INVS: variants seen among roughly 807,000 people sequenced by gnomAD.
INVS encodes the protein inversin.
A neutral mutation model predicts 108.8 loss-of-function variants in INVS; 86 were observed. The observed-to-expected ratio is 0.79, with a 90% CI of 0.66 to 0.95. The LOEUF (loss-of-function observed/expected upper bound fraction) is 0.95, where lower values mean the gene tolerates loss of function less well. Ranked by LOEUF, INVS falls within the 40% of genes least tolerant of loss-of-function variation. INVS has a pLI of 0.00. For synonymous variants in INVS, 455 were observed against 473.5 expected (o/e 0.96, Z 0.51); for missense variants, 1,169 against 1,297.4 (o/e 0.90, Z 1.52).
At chr9:100,149,150 CA>C (rs1215276978) in intron 3 of INVS, among the ~76,000 whole-genome samples, 1 of 152,070 alleles carries the variant, frequency 6.6e-6, no homozygotes, top group East Asian at 1.9e-4. Flanking sequence ...TGGCTGTATC[CA>C]CTCATTAGTC....
chr9:100,241,412 C>T (rs999941462), intron 6 of INVS, among the ~76,000 whole-genome samples: 2 of 151,940 alleles, frequency 1.3e-5, no homozygotes, highest in Admixed American at 6.6e-5. Context: ...CTTTTAACTT[C>T]CTTCCATTAC....
intron 5 of INVS, among the ~76,000 whole-genome samples, chr9:100,239,444 G>C (rs1034872677): frequency 6.6e-6 from 1 of 152,060 alleles, no homozygotes; most frequent in African/African-American, 2.4e-5. Flanking sequence ...ATATACAAAA[G>C]TATAAAAACA....
intron 11 of INVS, among the ~76,000 whole-genome samples, chr9:100,272,061 G>A (rs777257124): frequency 2.6e-5 from 4 of 151,510 alleles, no homozygotes; most frequent in Non-Finnish European, 5.9e-5. Context: ...TAGAAACAGG[G>A]TTTCACCTTG....
chr9:100,110,005 T>C (rs1330236745), intron 2 of INVS, among the ~76,000 whole-genome samples: 2 of 152,250 alleles, frequency 1.3e-5, no homozygotes, highest in Non-Finnish European at 2.9e-5. Context: ...AGTATTTAGA[T>C]ACGGAAGTGA....
intron 13 of INVS, among the ~76,000 whole-genome samples, chr9:100,288,890 G>C (rs1196371056): frequency 6.6e-6 from 1 of 152,080 alleles, no homozygotes; most frequent in Non-Finnish European, 1.5e-5. Context: ...CCTCCCAAAG[G>C]GCTGGGATTT....
chr9:100,131,170 C>T (rs1412108666), intron 3 of INVS, among the ~76,000 whole-genome samples: 1 of 152,054 alleles, frequency 6.6e-6, no homozygotes, highest in Non-Finnish European at 1.5e-5. Flanking sequence ...GCTGGAGCTC[C>T]AGGCAAGTAG....
At chr9:100,130,901 T>C (rs1047270389) in intron 3 of INVS, 1 of 152,200 alleles carries the variant, frequency 6.6e-6, no homozygotes. Context: ...ATCTACCTTG[T>C]AATACATAAG....
chr9:100,107,579 G>A (rs1160331692), intron 2 of INVS, among the ~76,000 whole-genome samples: 4 of 152,036 alleles, frequency 2.6e-5, no homozygotes, highest in Non-Finnish European at 4.4e-5. Flanking sequence ...TGCCTGAAAC[G>A]CTGTTCTCCC....
At chr9:100,181,415 G>A (rs563868024) in intron 3 of INVS, among the ~76,000 whole-genome samples, 4 of 152,230 alleles carry the variant, frequency 2.6e-5, no homozygotes, top group African/African-American at 9.6e-5. Flanking sequence ...AGCAACTTCA[G>A]CAAAGTCTCG....
rs140829382 is a variant in INVS, at chr9:100,282,959, A to G, written c.1785-1361A>G. On this transcript the variant is annotated intron_variant, in intron 12 of 16. Transcript: ENST00000262457. ...TTCTCTCTAGCCTAAGTCGGAATCC[A>G]TAATTACCAAGACACCAGGTGATTC... Among the ~76,000 whole-genome samples, 754 of 152,346 alleles carry G rather than the reference A, an allele frequency of 4.9e-3. 1 individual carries two copies. Among genetic ancestry groups the G allele is most frequent in the Non-Finnish European group, 8.9e-3 (603 of 68,034 alleles).
At chr9:100,222,413 A>T (rs1489717550) in intron 3 of INVS, among the ~76,000 whole-genome samples, 4 of 152,208 alleles carry the variant, frequency 2.6e-5, no homozygotes, top group African/African-American at 9.6e-5. Context: ...TGAGAAACAA[A>T]GATGAAATTA....
intron 3 of INVS, among the ~76,000 whole-genome samples, chr9:100,149,504 TA>T (rs781148360): frequency 6.6e-6 from 1 of 152,224 alleles, no homozygotes; most frequent in Non-Finnish European, 1.5e-5. Context: ...CTGGAGTTTT[TA>T]AACCAGCATT....
At chr9:100,296,696 G>C (rs983370434) in intron 14 of INVS, among the ~76,000 whole-genome samples, 2 of 152,142 alleles carry the variant, frequency 1.3e-5, no homozygotes, top group East Asian at 1.9e-4. Flanking sequence ...TGAGCTCCTT[G>C]AAGGCAAGGA....
chr9:100,300,148 A>C (rs1213781541), intron 16 of INVS, among the ~76,000 whole-genome samples: 1 of 152,202 alleles, frequency 6.6e-6, no homozygotes, highest in Non-Finnish European at 1.5e-5. Context: ...TGATATTCCC[A>C]TCAGCTTATC....
chr9:100,290,361 T>G (rs1833573661), intron 13 of INVS, among the ~76,000 whole-genome samples: 1 of 152,246 alleles, frequency 6.6e-6, no homozygotes, highest in East Asian at 1.9e-4. Context: ...CTTTCTTTCT[T>G]TCTTTGAGAC....
intron 3 of INVS, among the ~76,000 whole-genome samples, chr9:100,158,040 A>G (rs913904308): frequency 6.6e-6 from 1 of 152,220 alleles, no homozygotes; most frequent in African/African-American, 2.4e-5. Flanking sequence ...GTCACTCAAT[A>G]AGGGCATAGC....
intron 3 of INVS, chr9:100,129,838 C>A: frequency 4.3e-6 from 2 of 460,650 alleles, no homozygotes; most frequent in Non-Finnish European, 8.0e-6. Context: ...AGCAGCCTTA[C>A]CAGGCTGAAG....
At chr9:100,177,757 A>G (rs1332722836) in intron 3 of INVS, among the ~76,000 whole-genome samples, 1 of 152,184 alleles carries the variant, frequency 6.6e-6, no homozygotes, top group African/African-American at 2.4e-5. Flanking sequence ...AGATCTCCCA[A>G]CACAGCGCTC....
At chr9:100,127,808 C>T (rs1289488298) in intron 3 of INVS, among the ~76,000 whole-genome samples, 2 of 152,042 alleles carry the variant, frequency 1.3e-5, no homozygotes, top group South Asian at 2.1e-4. Context: ...AAAAATCTCC[C>T]TCATTTTCAA....
Sources: allele counts gnomAD v4.1 joint callset (sites outside exome capture counted in the v4.1 genomes callset), GRCh38; gene constraint gnomAD v4.1.1; transcripts MANE v1.5; gene names NCBI Gene and HGNC (gene_info 2026-07-23, HGNC 2026-07-21).